Variants in AGBL4 observed in about 807,000 individuals in gnomAD.
AGBL4 encodes AGBL carboxypeptidase 4.
AGBL4 carries 58 observed loss-of-function variants against 66.4 expected under a neutral mutation model. The ratio of observed to expected loss-of-function variants is 0.87; its 90% CI spans 0.71 to 1.09. AGBL4 has a LOEUF of 1.09. Among genes scored for constraint, AGBL4 ranks in the 50% least tolerant of loss-of-function variants. The pLI is 0.00. For synonymous variants in AGBL4, 234 were observed against 222.9 expected, an observed-to-expected ratio of 1.05 and a Z score of -0.44; for missense variants, 579 against 631.0, an observed-to-expected ratio of 0.92 and a Z score of 0.88.
At chr1:49,097,228 A>C (rs1193214260) in intron 4 of AGBL4, among the ~76,000 whole-genome samples, 3 of 152,248 alleles carry the variant, frequency 2.0e-5, no homozygotes, top group Admixed American at 6.5e-5. Flanking sequence ...TATTCCTACA[A>C]CACTATTTAT....
At chr1:49,122,637 G>A (rs1645681133) in intron 4 of AGBL4, among the ~76,000 whole-genome samples, 2 of 152,146 alleles carry the variant, frequency 1.3e-5, no homozygotes, top group Admixed American at 6.5e-5. Context: ...CAAGCAACCT[G>A]CAGTTTAATC....
At chr1:49,101,188 C>CA (rs1645194483) in intron 4 of AGBL4, among the ~76,000 whole-genome samples, 1 of 143,960 alleles carries the variant, frequency 6.9e-6, no homozygotes. Context: ...ACTTTTTATT[C>CA]TTTTTTTTTT....
At chr1:50,021,222 G>A (rs1378393011) in intron 1 of AGBL4, among the ~76,000 whole-genome samples, 3 of 152,002 alleles carry the variant, frequency 2.0e-5, no homozygotes, top group Non-Finnish European at 2.9e-5. Flanking sequence ...CTCTCCAGTC[G>A]CACCTTCTCA....
chr1:49,774,538 T>C (rs1418391023), intron 2 of AGBL4, among the ~76,000 whole-genome samples: 1 of 152,258 alleles, frequency 6.6e-6, no homozygotes, highest in East Asian at 1.9e-4. Flanking sequence ...GTCTTGCTAA[T>C]GTCACTGCCT....
chr1:48,950,460 A>G (rs909436301), intron 5 of AGBL4, among the ~76,000 whole-genome samples: 1 of 152,228 alleles, frequency 6.6e-6, no homozygotes, highest in Non-Finnish European at 1.5e-5. Context: ...GCTCAAGGTC[A>G]TCAGCTAGCC....
chr1:48,867,071 G>T (rs1038026631), intron 6 of AGBL4, 120 bp downstream of exon 6: 2 of 1,110,792 alleles, frequency 1.8e-6, no homozygotes, highest in African/African-American at 1.6e-5. Flanking sequence ...CATGGTGCAA[G>T]AGTTCTGCCG....
chr1:48,849,751 T>C (rs569077473), intron 6 of AGBL4, among the ~76,000 whole-genome samples: 1 of 152,346 alleles, frequency 6.6e-6, no homozygotes, highest in East Asian at 1.9e-4. Flanking sequence ...AGTGGACGAA[T>C]CACTTGAGGT....
intron 4 of AGBL4, among the ~76,000 whole-genome samples, chr1:49,109,996 A>G (rs1645374062): frequency 6.6e-6 from 1 of 152,164 alleles, no homozygotes; most frequent in Non-Finnish European, 1.5e-5. Context: ...CAACACACAC[A>G]TTCTACCCTG....
intron 5 of AGBL4, among the ~76,000 whole-genome samples, chr1:49,021,039 C>T (rs886819527): frequency 6.6e-6 from 1 of 152,204 alleles, no homozygotes; most frequent in Non-Finnish European, 1.5e-5. Flanking sequence ...GCCCTAGAGG[C>T]ATAAGGATAA....
intron 6 of AGBL4, among the ~76,000 whole-genome samples, chr1:48,780,570 C>T (rs1645268887): frequency 1.3e-5 from 2 of 152,122 alleles, no homozygotes; most frequent in South Asian, 4.2e-4. Context: ...GTACTGGTAC[C>T]AAAACAGGTA....
intron 5 of AGBL4, among the ~76,000 whole-genome samples, chr1:48,948,608 T>C (rs927122740): frequency 3.9e-5 from 6 of 152,212 alleles, no homozygotes; most frequent in African/African-American, 1.4e-4. Context: ...ATCATCTATT[T>C]TTTACCCTCT....
chr1:49,214,136 A>G (rs1648890266), intron 4 of AGBL4, among the ~76,000 whole-genome samples: 1 of 152,140 alleles, frequency 6.6e-6, no homozygotes, highest in Admixed American at 6.6e-5. Flanking sequence ...ACTGTGTATA[A>G]TGGTAGTAGG....
At chr1:49,583,587 G>T (rs561855675) in intron 3 of AGBL4, among the ~76,000 whole-genome samples, 1 of 152,102 alleles carries the variant, frequency 6.6e-6, no homozygotes, top group Non-Finnish European at 1.5e-5. Flanking sequence ...CTCATAATCT[G>T]TGGTGTCTGC....
At chr1:48,785,012 G>A (rs1410700180) in intron 6 of AGBL4, among the ~76,000 whole-genome samples, 1 of 152,216 alleles carries the variant, frequency 6.6e-6, no homozygotes, top group Non-Finnish European at 1.5e-5. Context: ...GGGCCAACTA[G>A]TTTGAGAAGT....
chr1:48,603,300 G>C lies in AGBL4; in HGVS notation c.952-12315C>G, dbSNP rs545306563. Among the ~76,000 whole-genome samples the C allele has an allele frequency of 9.2e-5, 14 of 152,114 alleles. No homozygotes were observed. The East Asian group carries it at 2.7e-3, about 30-fold the overall frequency. On this transcript the variant is annotated intron_variant, in intron 9 of 13. Coordinates refer to ENST00000371839, the MANE Select transcript of AGBL4 (RefSeq NM_032785.4). ...TCCTGGTCAACATGGTGAAACCCTG[G>C]CTCTACTAAAAATACAAAAATTAGC... is the stretch of plus-strand genomic sequence containing the variant.
At chr1:49,302,309 A>G (rs1187328520) in intron 3 of AGBL4, among the ~76,000 whole-genome samples, 1 of 151,502 alleles carries the variant, frequency 6.6e-6, no homozygotes, top group African/African-American at 2.4e-5. Flanking sequence ...CTAGAGTGCA[A>G]TGGCGCAATC....
At chr1:49,181,677 G>A (rs887804424) in intron 4 of AGBL4, among the ~76,000 whole-genome samples, 2 of 152,174 alleles carry the variant, frequency 1.3e-5, no homozygotes, top group Non-Finnish European at 2.9e-5. Flanking sequence ...CTCCCTGGGA[G>A]CAAGAATTAT....
At position 49,518,228 on chromosome 1, in the gene AGBL4, G is replaced by A. The variant is rs181600897; in HGVS notation, c.282+179085C>T. Among the ~76,000 whole-genome samples, 453 of 152,086 alleles carry A rather than the reference G, an allele frequency of 3.0e-3. 4 individuals carry two copies. Among genetic ancestry groups the A allele is most frequent in the Non-Finnish European group, 5.2e-3 (356 of 67,966 alleles). ...TCAGTCTGGAGGCCAATATATCAGG[G>A]AAAACCCAGGGCCTTCCTATCTATA... On this transcript the variant is annotated intron_variant, in intron 3 of 13. Coordinates refer to ENST00000371839, the MANE Select transcript of AGBL4 (RefSeq NM_032785.4).
rs917414477 is a variant in AGBL4, at chr1:49,180,881, A to C, written c.377+64889T>G. ...ATAGGCAAATGCTGGGGAAATCAAA[A>C]CAACAAATTATGTGAGAGCTGATAT... On this transcript the variant is annotated intron_variant, in intron 4 of 13. Transcript: ENST00000371839. Among the ~76,000 whole-genome samples, 24 of 152,186 alleles carry C rather than the reference A, an allele frequency of 1.6e-4. 1 individual carries two copies. The highest frequency in any genetic ancestry group is 5.8e-4 in the African/African-American group (24 of 41,448).
Sources: allele counts gnomAD v4.1 joint callset (sites outside exome capture counted in the v4.1 genomes callset), GRCh38; gene constraint gnomAD v4.1.1; transcripts MANE v1.5; gene names NCBI Gene and HGNC (gene_info 2026-07-23, HGNC 2026-07-21).